PPP1R14C: variants seen among roughly 807,000 people sequenced by gnomAD.
PPP1R14C encodes the protein protein phosphatase 1 regulatory inhibitor subunit 14C.
In PPP1R14C, 16 loss-of-function variants were observed where a neutral mutation model predicts 20.4. That is an observed-to-expected ratio of 0.78 (90% CI 0.53 to 1.19). The LOEUF is 1.19. Ranked by LOEUF, PPP1R14C falls within the 50% of genes most tolerant of loss-of-function variation. The probability of loss-of-function intolerance (pLI) is 0.00; values close to 1 mark genes in which losing one functional copy is unlikely to be tolerated. For synonymous variants in PPP1R14C, 91 were observed against 91.0 expected, an observed-to-expected ratio of 1.00 and a Z score of 0.00; for missense variants, 211 against 220.1, an observed-to-expected ratio of 0.96 and a Z score of 0.26.
At chr6:150,148,418 G>A (rs1401311255) in intron 1 of PPP1R14C, among the ~76,000 whole-genome samples, 1 of 152,210 alleles carries the variant, frequency 6.6e-6, no homozygotes, top group African/African-American at 2.4e-5. Flanking sequence ...TGGCACCTAT[G>A]TGAACCCCAT....
At chr6:150,192,570 C>T (rs971088918) in intron 1 of PPP1R14C, among the ~76,000 whole-genome samples, 2 of 152,198 alleles carry the variant, frequency 1.3e-5, no homozygotes, top group East Asian at 3.8e-4. Context: ...TACCACTGTG[C>T]TTTAAAGGAA....
Position 150,216,869 on chromosome 6 carries a change from CT to C in PPP1R14C, c.423+17del, listed in dbSNP as rs756082555. ...CAAACCAACAGAGGTAAGCAAATCACTTTTCCTAAATGCCATGTTTGAACTG... is the reference window on the plus strand; with the variant it reads ...CAAACCAACAGAGGTAAGCAAATCACTTTCCTAAATGCCATGTTTGAACTG... On this transcript the variant is annotated intron_variant, in intron 3 of 3. Transcript: ENST00000361131. The C allele has an allele frequency of 3.8e-6, 6 of 1,598,064 alleles. No homozygotes were observed. The South Asian group carries it at 4.5e-5, about 12-fold the overall frequency.
In PPP1R14C at chr6:150,168,150, C is replaced by CTTT. The variant is rs1164433647; in HGVS notation, c.306+24670_306+24672dup. ...TTCTCCCTAACACAATACAGCGTCC[C>CTTT]TTTTTTTTTTTTTTTTTTTTGTCTT... On this transcript the variant is annotated intron_variant, in intron 1 of 3. Coordinates refer to ENST00000361131, the MANE Select transcript of PPP1R14C (RefSeq NM_030949.3). 3.8e-5 allele frequency among the ~76,000 whole-genome samples: 3 copies of CTTT among 79,156 alleles called. 1 individual carries two copies. Among genetic ancestry groups the CTTT allele is most frequent in the African/African-American group, 1.5e-4 (3 of 20,148 alleles). 51.9% of individuals were successfully genotyped at this position (79,156 alleles called of 152,430 possible).
intron 3 of PPP1R14C, among the ~76,000 whole-genome samples, chr6:150,224,062 T>C (rs1034163513): frequency 2.0e-5 from 3 of 152,248 alleles, no homozygotes; most frequent in Non-Finnish European, 2.9e-5. Flanking sequence ...GTTCATTTTT[T>C]GCACGTGGAT....
At chr6:150,157,736 G>T (rs1777320524) in intron 1 of PPP1R14C, among the ~76,000 whole-genome samples, 1 of 152,120 alleles carries the variant, frequency 6.6e-6, no homozygotes, top group African/African-American at 2.4e-5. Context: ...GCCCTGGAGG[G>T]AACTAACCTG....
chr6:150,222,059 A>G (rs947121252), intron 3 of PPP1R14C, among the ~76,000 whole-genome samples: 2 of 152,184 alleles, frequency 1.3e-5, no homozygotes, highest in Non-Finnish European at 2.9e-5. Context: ...TGGGCCTCCC[A>G]AAGTGCTGGG....
chr6:150,181,649 G>T (rs1325820073), intron 1 of PPP1R14C, among the ~76,000 whole-genome samples: 3 of 152,118 alleles, frequency 2.0e-5, no homozygotes, highest in Non-Finnish European at 4.4e-5. Flanking sequence ...TCAGCTCTGC[G>T]CTTAGCCTTC....
chr6:150,192,642 C>A (rs58353759), intron 1 of PPP1R14C, among the ~76,000 whole-genome samples: 6,705 of 152,234 alleles, frequency 0.044, 312 homozygotes, highest in East Asian at 0.12. Flanking sequence ...ACAAAACACC[C>A]CCCAAATCTC....
chr6:150,143,062 G>T lies in PPP1R14C; in HGVS notation c.-131G>T. On this transcript the variant is annotated 5_prime_UTR_variant, in exon 1 of 4. Coordinates refer to ENST00000361131, the MANE Select transcript of PPP1R14C (RefSeq NM_030949.3). The surrounding 1 kb of genome is among the most constrained non-coding windows in gnomAD (Gnocchi z 5.6). Reference sequence around the variant, plus strand: ...CCCTCCCAGAGCAGCCGGGCGGCTGGGCGCGCGCGGCGCAGAGCAGGTGCC... The same window carrying T: ...CCCTCCCAGAGCAGCCGGGCGGCTGTGCGCGCGCGGCGCAGAGCAGGTGCC... 9.3e-7 allele frequency: 1 copy of T among 1,079,542 alleles called. No individual in the cohort carries two copies. The highest frequency in any genetic ancestry group is 1.1e-6 in the Non-Finnish European group (1 of 895,002). 66.9% of individuals were successfully genotyped at this position (1,079,542 alleles called of 1,614,324 possible). A position where few individuals can be genotyped will look rare whatever the true frequency, so the allele number is the denominator to read the frequency against.
chr6:150,151,025 T>A (rs1777240542), intron 1 of PPP1R14C, among the ~76,000 whole-genome samples: 1 of 152,112 alleles, frequency 6.6e-6, no homozygotes, highest in Non-Finnish European at 1.5e-5. Context: ...GCTCTCTGTT[T>A]TTTTTGTTGT....
intron 3 of PPP1R14C, among the ~76,000 whole-genome samples, chr6:150,220,447 T>C (rs1778153176): frequency 6.6e-6 from 1 of 152,162 alleles, no homozygotes; most frequent in African/African-American, 2.4e-5. Flanking sequence ...GGAATTAATA[T>C]AGGAAAGCGA....
chr6:150,248,883 A>G lies in PPP1R14C; in HGVS notation c.*63A>G. The G allele has an allele frequency of 1.8e-6, 2 of 1,117,004 alleles. No individual in the cohort carries two copies. The highest frequency in any genetic ancestry group is 1.3e-6 in the Non-Finnish European group (1 of 764,444). The allele number at this position is 1,117,004 out of a possible 1,614,324, so 69.2% of individuals were successfully genotyped here. ...AGAGTCCTGGGATTTGTACTTCATG[A>G]AGACTTTTGTGAAAGAATAGGTGTC... is the stretch of plus-strand genomic sequence containing the variant. On this transcript the variant is annotated 3_prime_UTR_variant, in exon 4 of 4. Transcript: ENST00000361131.
intron 1 of PPP1R14C, among the ~76,000 whole-genome samples, chr6:150,166,142 G>A (rs60082652): frequency 0.24 from 36,782 of 151,090 alleles, 4,738 homozygotes; most frequent in South Asian, 0.38. Flanking sequence ...GTGCAGTGGC[G>A]CTATCTCGGC....
chr6:150,238,360 A>G (rs1381620556), intron 3 of PPP1R14C, among the ~76,000 whole-genome samples: 2 of 152,098 alleles, frequency 1.3e-5, no homozygotes, highest in Non-Finnish European at 2.9e-5. Flanking sequence ...CCCCGGAAGG[A>G]GTGATGGGGG....
chr6:150,151,070 C>T (rs920133607), intron 1 of PPP1R14C, among the ~76,000 whole-genome samples: 19 of 151,712 alleles, frequency 1.3e-4, no homozygotes, highest in Middle Eastern at 6.8e-3. Flanking sequence ...TTCACTCCTG[C>T]GTGCTGTTTT....
At chr6:150,176,260 A>G (rs962890770) in intron 1 of PPP1R14C, among the ~76,000 whole-genome samples, 1 of 152,220 alleles carries the variant, frequency 6.6e-6, no homozygotes, top group Non-Finnish European at 1.5e-5. Flanking sequence ...AAGGATTCCC[A>G]TCTTCTCAAC....
intron 3 of PPP1R14C, among the ~76,000 whole-genome samples, chr6:150,232,516 A>C (rs111700072): frequency 6.6e-6 from 1 of 152,248 alleles, no homozygotes; most frequent in Non-Finnish European, 1.5e-5. Context: ...TCTTAAATAC[A>C]GTCTTCCTTG....
At chr6:150,171,467 C>T (rs1777498413) in intron 1 of PPP1R14C, among the ~76,000 whole-genome samples, 1 of 152,176 alleles carries the variant, frequency 6.6e-6, no homozygotes. Context: ...CTGTCCTGAC[C>T]TTTCTGCCTG....
intron 3 of PPP1R14C, among the ~76,000 whole-genome samples, chr6:150,220,384 C>A (rs1778152076): frequency 6.6e-6 from 1 of 152,188 alleles, no homozygotes; most frequent in Admixed American, 6.5e-5. Flanking sequence ...AGGCAGGAGA[C>A]TTTACCATTT....
Sources: allele counts gnomAD v4.1 joint callset (sites outside exome capture counted in the v4.1 genomes callset), GRCh38; gene constraint gnomAD v4.1.1; non-coding constraint Gnocchi (gnomAD v3.1); transcripts MANE v1.5; gene names NCBI Gene and HGNC (gene_info 2026-07-23, HGNC 2026-07-21).